KIAA1671: variants seen among roughly 807,000 people sequenced by gnomAD.
The protein encoded by KIAA1671 is KIAA1671.
In KIAA1671, 52 loss-of-function variants were observed where a neutral mutation model predicts 131.2. The observed-to-expected ratio is 0.40, with a 90% CI of 0.32 to 0.50. The LOEUF (loss-of-function observed/expected upper bound fraction) is 0.50. Among genes scored for constraint, KIAA1671 ranks in the 20% least tolerant of loss-of-function variants. The pLI is 0.73. For synonymous variants in KIAA1671, 1,003 were observed against 961.6 expected (o/e 1.04, Z -0.80); for missense variants, 2,360 against 2,364.2 (o/e 1.00, Z 0.04).
chr22:25,093,771 T>A, intron 6 of KIAA1671, among the ~76,000 whole-genome samples: 1 of 93,028 alleles, frequency 1.1e-5, no homozygotes, highest in Non-Finnish European at 2.3e-5. Context: ...TCTCTCTGTC[T>A]CTCTCTCTCT....
rs558663471 is a variant in KIAA1671 at position 25,162,828 on chromosome 22, A to C, written c.4531-7992A>C. 3.9e-5 allele frequency among the ~76,000 whole-genome samples: 6 copies of C among 152,356 alleles called. No homozygotes were observed. The South Asian group carries it at 1.2e-3, about 32-fold the overall frequency. ...GCATTAACAACAGCAGAATTGAGTA[A>C]CTGGAACAGAGACCATCATGACCCA... On this transcript the variant is annotated intron_variant, in intron 6 of 12. Transcript: ENST00000358431.
In KIAA1671 at chr22:25,028,364, A is replaced by T; in HGVS notation, c.365A>T (p.Glu122Val). 4 of 1,550,816 alleles carry T rather than the reference A, an allele frequency of 2.6e-6. No individual in the cohort carries two copies. The highest frequency in any genetic ancestry group is 2.6e-6 in the Non-Finnish European group (3 of 1,146,956). ...GTGGGGCAGGAGGTGGGCAGTGGGG[A>T]GGGCCCGAGGACGAGCTCGCCCCTC... Reference protein sequence around the residue: ...GLVGQEVGSGEGPRTSSPLFN... With the variant: ...GLVGQEVGSGVGPRTSSPLFN... The change falls in exon 3 of 13, where the codon GAG (glutamate) becomes GTG (valine). Residue 122 changes from glutamate to valine, a missense_variant. Glu to Val is a moderately radical substitution (Grantham distance 121). Transcript: ENST00000358431.
At chr22:25,089,539 G>A (rs1929918974) in intron 6 of KIAA1671, among the ~76,000 whole-genome samples, 1 of 152,030 alleles carries the variant, frequency 6.6e-6, no homozygotes, top group Non-Finnish European at 1.5e-5. Flanking sequence ...CTCTCAAAGT[G>A]CTGGGATTAC....
At chr22:24,985,189 T>C (rs1172881489) in intron 1 of KIAA1671, among the ~76,000 whole-genome samples, 1 of 152,094 alleles carries the variant, frequency 6.6e-6, no homozygotes, top group Non-Finnish European at 1.5e-5. Context: ...TGGGAACATA[T>C]CAATTTTCCC....
At chr22:24,958,154 C>T (rs1921819365) in intron 1 of KIAA1671, among the ~76,000 whole-genome samples, 2 of 151,914 alleles carry the variant, frequency 1.3e-5, no homozygotes, top group Admixed American at 1.3e-4. Context: ...CCATGCCCTT[C>T]CCACTTGCAT....
intron 5 of KIAA1671, among the ~76,000 whole-genome samples, chr22:25,047,722 G>A (rs1292843519): frequency 6.6e-6 from 1 of 152,166 alleles, no homozygotes; most frequent in Non-Finnish European, 1.5e-5. Flanking sequence ...ATCCACCTGC[G>A]TCGGCCTCCC....
At chr22:25,072,438 C>T (rs1928878488) in intron 6 of KIAA1671, among the ~76,000 whole-genome samples, 1 of 152,142 alleles carries the variant, frequency 6.6e-6, no homozygotes, top group Non-Finnish European at 1.5e-5. Context: ...TGTGGGTGAC[C>T]AGGTCCTGGG....
At chr22:25,166,724 C>G (rs940318475) in intron 6 of KIAA1671, among the ~76,000 whole-genome samples, 4 of 152,206 alleles carry the variant, frequency 2.6e-5, no homozygotes, top group Admixed American at 6.5e-5. Context: ...TACCTCAAAA[C>G]AGTCCTTGTT....
intron 2 of KIAA1671, among the ~76,000 whole-genome samples, chr22:25,026,691 T>C (rs1184105732): frequency 1.3e-5 from 2 of 151,818 alleles, no homozygotes; most frequent in African/African-American, 4.8e-5. Context: ...GGTCGCGCCA[T>C]TGCACTCCAG....
intron 5 of KIAA1671, among the ~76,000 whole-genome samples, chr22:25,044,235 A>T (rs1295233982): frequency 2.0e-5 from 3 of 152,326 alleles, no homozygotes; most frequent in African/African-American, 4.8e-5. Flanking sequence ...GTTAACAGGG[A>T]TTCCTGCCCC....
intron 1 of KIAA1671, among the ~76,000 whole-genome samples, chr22:24,958,340 C>T (rs1391463511): frequency 1.1e-4 from 16 of 151,862 alleles, no homozygotes; most frequent in South Asian, 6.3e-4. Context: ...GGCAACATAG[C>T]GAGACTGTCT....
intron 1 of KIAA1671, among the ~76,000 whole-genome samples, chr22:24,966,832 T>G (rs1400124141): frequency 6.6e-6 from 1 of 152,182 alleles, no homozygotes; most frequent in Non-Finnish European, 1.5e-5. Flanking sequence ...TGCACACACC[T>G]GTAGTCTCAA....
intron 6 of KIAA1671, among the ~76,000 whole-genome samples, chr22:25,136,245 CCTCT>C (rs1054634332): frequency 6.6e-6 from 1 of 151,814 alleles, no homozygotes; most frequent in African/African-American, 2.4e-5. Flanking sequence ...AACACCCCCT[CCTCT>C]CTCTCTCTCA....
intron 6 of KIAA1671, among the ~76,000 whole-genome samples, chr22:25,113,435 C>T (rs529785317): frequency 6.6e-5 from 10 of 152,324 alleles, no homozygotes; most frequent in Admixed American, 2.6e-4. Context: ...TGAGGACAGG[C>T]GAAGGGCTAA....
intron 6 of KIAA1671, among the ~76,000 whole-genome samples, chr22:25,113,865 TGTCTCTGTGATG>T (rs1355241093): frequency 1.3e-5 from 2 of 152,228 alleles, no homozygotes; most frequent in African/African-American, 4.8e-5. Flanking sequence ...TGTGTATCTC[TGTCTCTGTGATG>T]TGTCTTTCTG....
At chr22:25,018,439 TC>T (rs577964228) in intron 1 of KIAA1671, among the ~76,000 whole-genome samples, 1 of 152,298 alleles carries the variant, frequency 6.6e-6, no homozygotes, top group African/African-American at 2.4e-5. Context: ...ATTTTAACCA[TC>T]TTTAAGTATA....
intron 1 of KIAA1671, among the ~76,000 whole-genome samples, chr22:25,004,364 C>T (rs1014596760): frequency 2.0e-5 from 3 of 152,124 alleles, no homozygotes; most frequent in African/African-American, 7.2e-5. Flanking sequence ...GAGGCCTTGG[C>T]CTCCTGAAGC....
intron 1 of KIAA1671, among the ~76,000 whole-genome samples, chr22:24,998,283 G>T (rs947489135): frequency 6.6e-6 from 1 of 152,008 alleles, no homozygotes. Context: ...GCATGGCAGC[G>T]GAGGCCTGTA....
intron 10 of KIAA1671, among the ~76,000 whole-genome samples, chr22:25,183,045 T>G (rs1208748361): frequency 6.6e-6 from 1 of 151,616 alleles, no homozygotes; most frequent in African/African-American, 2.4e-5. Context: ...GCACTTAATT[T>G]GGGTGAGGAA....
Sources: gnomAD v4.1 joint callset for allele counts (sites outside exome capture counted in the v4.1 genomes callset) on GRCh38, gnomAD v4.1.1 for gene constraint, MANE v1.5 for transcripts, NCBI Gene and HGNC (gene_info 2026-07-23, HGNC 2026-07-21) for gene names.